WDR20: variants seen among roughly 807,000 people sequenced by gnomAD.
WDR20 encodes the protein WD repeat-containing protein 20.
WDR20 carries 3 observed loss-of-function variants against 38.7 expected under a neutral mutation model. The ratio of observed to expected loss-of-function variants is 0.08; its 90% CI spans 0.04 to 0.20. The LOEUF is 0.20. Among genes scored for constraint, WDR20 ranks in the 10% least tolerant of loss-of-function variants. WDR20 has a pLI of 1.00. For synonymous variants in WDR20, 298 were observed against 285.6 expected, an observed-to-expected ratio of 1.04 and a Z score of -0.44; for missense variants, 559 against 727.7, an observed-to-expected ratio of 0.77 and a Z score of 2.67.
At chr14:102,168,323 ATAGAG>A (rs904069398) in intron 1 of WDR20, among the ~76,000 whole-genome samples, 6 of 152,212 alleles carry the variant, frequency 3.9e-5, no homozygotes, top group African/African-American at 7.2e-5. Flanking sequence ...AAAGATAAAA[ATAGAG>A]TAGTTTATTG....
At chr14:102,199,635 A>G (rs1393948648) in intron 2 of WDR20, among the ~76,000 whole-genome samples, 1 of 152,118 alleles carries the variant, frequency 6.6e-6, no homozygotes, top group African/African-American at 2.4e-5. Flanking sequence ...CACACACCGA[A>G]TCCCCAGCAT....
upstream of WDR20, chr14:102,139,646 C>T (rs543808045): frequency 3.1e-6 from 2 of 644,430 alleles, no homozygotes; most frequent in African/African-American, 1.8e-5. Context: ...CTGAAGCCGG[C>T]ATCACCTGGG....
At chr14:102,145,437 C>T (rs965409491) in intron 1 of WDR20, among the ~76,000 whole-genome samples, 3 of 152,132 alleles carry the variant, frequency 2.0e-5, no homozygotes, top group African/African-American at 7.2e-5. Context: ...ACCATGTCAC[C>T]TACAAGATCC....
At chr14:102,181,611 G>GAATT (rs1423724386) in intron 1 of WDR20, among the ~76,000 whole-genome samples, 4 of 152,108 alleles carry the variant, frequency 2.6e-5, no homozygotes, top group Non-Finnish European at 5.9e-5. Flanking sequence ...ATATATTACA[G>GAATT]AATTATTCAC....
At chr14:102,174,167 A>G (rs887502776) in intron 1 of WDR20, among the ~76,000 whole-genome samples, 89 of 152,044 alleles carry the variant, frequency 5.9e-4, no homozygotes, top group Non-Finnish European at 2.1e-4. Context: ...TGGTGGTTCC[A>G]TATTTTTGCA....
downstream of WDR20, among the ~76,000 whole-genome samples, chr14:102,216,511 C>A (rs1306592392): frequency 6.6e-6 from 1 of 152,142 alleles, no homozygotes; most frequent in African/African-American, 2.4e-5. Flanking sequence ...GTTGCCCAGG[C>A]TAGCACTGAG....
chr14:102,214,774 T>A, downstream of WDR20: 3 of 979,358 alleles, frequency 3.1e-6, no homozygotes, highest in Non-Finnish European at 3.6e-6. Flanking sequence ...TAACATGAAA[T>A]ATTGGTAAAT....
chr14:102,160,000 A>ATCCC (rs2058281558), intron 1 of WDR20, among the ~76,000 whole-genome samples: 1 of 152,122 alleles, frequency 6.6e-6, no homozygotes. Flanking sequence ...GCTACTTGGG[A>ATCCC]GGCTGAGGCG....
intron 1 of WDR20, among the ~76,000 whole-genome samples, chr14:102,165,192 G>A (rs2059512168): frequency 6.6e-6 from 1 of 151,976 alleles, no homozygotes; most frequent in South Asian, 2.1e-4. Context: ...GTGATATTTG[G>A]GTGGAACTGT....
intron 1 of WDR20, chr14:102,193,585 T>G: frequency 2.7e-6 from 4 of 1,497,304 alleles, no homozygotes; most frequent in Non-Finnish European, 2.7e-6. Flanking sequence ...GAACTACTTG[T>G]TACCGCTCAG....
downstream of WDR20, chr14:102,213,842 G>A: frequency 1.0e-6 from 1 of 985,484 alleles, no homozygotes; most frequent in Non-Finnish European, 1.2e-6. Flanking sequence ...AAACCTAGGG[G>A]TTGGGGGCGG....
intron 2 of WDR20, among the ~76,000 whole-genome samples, chr14:102,198,910 C>T (rs2059851702): frequency 6.6e-6 from 1 of 152,052 alleles, no homozygotes. Context: ...TTCGAGAGAC[C>T]TGTAGATAGT....
intron 1 of WDR20, among the ~76,000 whole-genome samples, chr14:102,141,416 T>C (rs1289666752): frequency 1.3e-5 from 2 of 152,156 alleles, no homozygotes; most frequent in East Asian, 3.8e-4. Flanking sequence ...TTTTTCTTAG[T>C]CTTTATGATA....
At chr14:102,173,117 T>A (rs1431924735) in intron 1 of WDR20, among the ~76,000 whole-genome samples, 1 of 151,790 alleles carries the variant, frequency 6.6e-6, no homozygotes, top group African/African-American at 2.4e-5. Flanking sequence ...TTTTATTTTT[T>A]ATTTTTATTT....
At position 102,209,201 on chromosome 14, in the gene WDR20, G is replaced by A. The variant is rs763695329; in HGVS notation, c.1031G>A (p.Arg344Gln). The A allele has an allele frequency of 1.1e-5, 17 of 1,613,992 alleles. No homozygotes were observed. The highest frequency in any genetic ancestry group is 1.6e-4 in the Middle Eastern group (1 of 6,084). Residue 344 changes from arginine to glutamine, a missense_variant, in exon 3 of 3, where the codon CGA (arginine) becomes CAA (glutamine). By Grantham distance (43) the Arg-to-Gln change is conservative. Coordinates refer to ENST00000342702, the MANE Select transcript of WDR20 (RefSeq NM_144574.4). The surrounding 1 kb of genome is among the most constrained non-coding windows in gnomAD (Gnocchi z 6.0). ...FQDLLHFGRD[R>Q]ANSTQSRLSK... ...GACCTTCTTCATTTTGGCAGAGATC[G>A]AGCAAATAGTACACAGTCCAGGCTC...
intron 1 of WDR20, among the ~76,000 whole-genome samples, chr14:102,142,926 C>T (rs1023265904): frequency 6.6e-6 from 1 of 151,924 alleles, no homozygotes; most frequent in African/African-American, 2.4e-5. Context: ...AAGAACTTAA[C>T]TCATTAATTA....
At chr14:102,187,414 G>A (rs562536825) in intron 1 of WDR20, among the ~76,000 whole-genome samples, 1 of 152,052 alleles carries the variant, frequency 6.6e-6, no homozygotes, top group Non-Finnish European at 1.5e-5. Flanking sequence ...TAGGCTGGGG[G>A]GGGGCTCAGG....
chr14:102,205,353 G>A (rs914804800), intron 2 of WDR20, among the ~76,000 whole-genome samples: 5 of 151,932 alleles, frequency 3.3e-5, no homozygotes, highest in East Asian at 1.9e-4. Context: ...GGATAAATGC[G>A]TATTCATATT....
chr14:102,153,956 C>T (rs2056776204), intron 1 of WDR20, among the ~76,000 whole-genome samples: 1 of 152,174 alleles, frequency 6.6e-6, no homozygotes, highest in African/African-American at 2.4e-5. Context: ...GATGCTGAAG[C>T]AGGAGGATTG....
Sources: gnomAD v4.1 joint callset for allele counts (sites outside exome capture counted in the v4.1 genomes callset) on GRCh38, gnomAD v4.1.1 for gene constraint, Gnocchi (gnomAD v3.1) non-coding constraint, MANE v1.5 for transcripts, NCBI Gene and HGNC (gene_info 2026-07-23, HGNC 2026-07-21) for gene names.